Variants in NME7 observed in about 807,000 individuals in gnomAD.
The protein encoded by NME7 is NME/NM23 family member 7.
A neutral mutation model predicts 49.1 loss-of-function variants in NME7; 41 were observed. The observed-to-expected ratio is 0.83, with a 90% CI of 0.65 to 1.08. The LOEUF (loss-of-function observed/expected upper bound fraction) is 1.08, where lower values mean the gene tolerates loss of function less well. Ranked by LOEUF, NME7 falls within the 50% of genes least tolerant of loss-of-function variation. The probability of loss-of-function intolerance (pLI) is 0.00; values close to 1 mark genes in which losing one functional copy is unlikely to be tolerated. For missense variants in NME7, 423 were observed against 463.4 expected (o/e 0.91, Z 0.80); for synonymous variants, 139 against 150.6 (o/e 0.92, Z 0.56).
chr1:169,329,153 G>A (rs1652169905), intron 1 of NME7, among the ~76,000 whole-genome samples: 1 of 152,024 alleles, frequency 6.6e-6, no homozygotes, highest in Non-Finnish European at 1.5e-5. Flanking sequence ...CTAGGGGCCT[G>A]AAGCAAACCA....
intron 7 of NME7, chr1:169,285,061 G>A (rs1052696641): frequency 2.8e-4 from 43 of 152,154 alleles, no homozygotes; most frequent in Admixed American, 2.0e-4. Context: ...AAATATACAC[G>A]GGTGTATGTA....
intron 11 of NME7, among the ~76,000 whole-genome samples, chr1:169,143,273 C>CTTTTTTTTTTTTTTTTTTTTT (rs71299493): frequency 3.1e-5 from 3 of 98,178 alleles, no homozygotes; most frequent in Non-Finnish European, 4.2e-5. Flanking sequence ...TCACCTCAGG[C>CTTTTTTTTTTTTTTTTTTTTT]TTTTTTTTTT....
At chr1:169,207,499 G>A (rs1660704480) in intron 10 of NME7, among the ~76,000 whole-genome samples, 1 of 152,086 alleles carries the variant, frequency 6.6e-6, no homozygotes, top group Non-Finnish European at 1.5e-5. Context: ...GTACACCCAA[G>A]GGGGAAGAGG....
At chr1:169,281,875 T>C (rs887106306) in intron 7 of NME7, among the ~76,000 whole-genome samples, 2 of 152,194 alleles carry the variant, frequency 1.3e-5, no homozygotes, top group African/African-American at 4.8e-5. Context: ...GATTTTCTCA[T>C]AGATGTTCAT....
At chr1:169,302,066 T>C (rs943433552) in intron 5 of NME7, 2 of 151,962 alleles carry the variant, frequency 1.3e-5, no homozygotes, top group Non-Finnish European at 2.9e-5. Flanking sequence ...AAAATAGAAG[T>C]TGATTTTTTT....
intron 10 of NME7, among the ~76,000 whole-genome samples, chr1:169,219,100 T>A (rs1214937952): frequency 6.6e-6 from 1 of 152,106 alleles, no homozygotes; most frequent in Non-Finnish European, 1.5e-5. Context: ...AAATTATAGC[T>A]CCAGGCATCA....
In NME7 at chr1:169,272,759, C is replaced by T. The variant is rs879718062; in HGVS notation, c.754+14544G>A. 1.5e-5 allele frequency among the ~76,000 whole-genome samples: 2 copies of T among 131,470 alleles called. 1 individual carries two copies. The allele number at this position is 131,470 out of a possible 152,430, so 86.2% of individuals were successfully genotyped here. On this transcript the variant is annotated intron_variant, in intron 7 of 11. Coordinates refer to ENST00000367811, the MANE Select transcript of NME7 (RefSeq NM_013330.5). ...TGAACCGTGCTGCAATGAACATACA[C>T]GTGCATGTATTTTTATAATAGAACG...
chr1:169,152,151 T>C (rs1311646284), intron 11 of NME7, among the ~76,000 whole-genome samples: 1 of 152,178 alleles, frequency 6.6e-6, no homozygotes, highest in East Asian at 1.9e-4. Context: ...AAGTTATATA[T>C]AGCCTTTCCT....
intron 11 of NME7, among the ~76,000 whole-genome samples, chr1:169,161,631 T>G (rs1213380763): frequency 6.6e-6 from 1 of 152,226 alleles, no homozygotes; most frequent in African/African-American, 2.4e-5. Context: ...GACTCCATCT[T>G]GCTTCTGGCC....
intron 3 of NME7, among the ~76,000 whole-genome samples, chr1:169,321,406 G>A (rs1297957964): frequency 6.6e-6 from 1 of 152,140 alleles, no homozygotes. Context: ...GAACTGAGGT[G>A]TATGTAAAGT....
In NME7 at chr1:169,182,174, T is replaced by TAAAAA. The variant is rs59280361; in HGVS notation, c.991-12625_991-12621dup. 4.4e-4 allele frequency among the ~76,000 whole-genome samples: 59 copies of TAAAAA among 134,084 alleles called. 4 individuals carry two copies. Among genetic ancestry groups the TAAAAA allele is most frequent in the Middle Eastern group, 3.8e-3 (1 of 266 alleles). The allele number at this position is 134,084 out of a possible 152,430, so 88.0% of individuals were successfully genotyped here. ...TGCATGCCACCACAACTAGCTAATT[T>TAAAAA]AAAAAAAAAAAAAAACAACTCTGTA... On this transcript the variant is annotated intron_variant, in intron 10 of 11. Transcript: ENST00000367811.
intron 7 of NME7, among the ~76,000 whole-genome samples, chr1:169,282,411 A>G (rs1650059725): frequency 6.6e-6 from 1 of 152,018 alleles, no homozygotes; most frequent in African/African-American, 2.4e-5. Context: ...TCACGGATTC[A>G]TTGATTTTTT....
chr1:169,251,572 T>A (rs63646560), intron 7 of NME7, among the ~76,000 whole-genome samples: 60 of 132,212 alleles, frequency 4.5e-4, no homozygotes, highest in East Asian at 5.0e-4. Context: ...TTTTTTTTTT[T>A]ATTATACTTT....
At chr1:169,355,082 A>G (rs865804341) in intron 1 of NME7, among the ~76,000 whole-genome samples, 1,377 of 62,024 alleles carry the variant, frequency 0.022, 2 homozygotes, top group Middle Eastern at 0.034. Flanking sequence ...GATATAATAT[A>G]TAATATACTA....
chr1:169,224,502 G>A (rs1032482257), intron 10 of NME7, among the ~76,000 whole-genome samples: 4 of 151,714 alleles, frequency 2.6e-5, no homozygotes, highest in African/African-American at 9.7e-5. Context: ...ATTCATATAT[G>A]TATATATATG....
At chr1:169,337,220 C>A (rs1652515878) in intron 1 of NME7, among the ~76,000 whole-genome samples, 1 of 152,232 alleles carries the variant, frequency 6.6e-6, no homozygotes, top group Admixed American at 6.5e-5. Flanking sequence ...AGCCGTGCCC[C>A]GTGGGAAGGC....
chr1:169,303,020 T>C (rs1651008223), intron 5 of NME7, 125 bp downstream of exon 5: 4 of 564,846 alleles, frequency 7.1e-6, no homozygotes, highest in Admixed American at 3.2e-5. Context: ...TTCTGTGCAG[T>C]TGCAAGATGT....
chr1:169,132,997 A>G (rs1658287356), intron 11 of NME7, among the ~76,000 whole-genome samples, 180 bp from the exon 12 acceptor site: 1 of 152,194 alleles, frequency 6.6e-6, no homozygotes, highest in African/African-American at 2.4e-5. Context: ...AGTTCCATTT[A>G]AAAAAATCAT....
chr1:169,177,923 G>A (rs567317969), intron 10 of NME7, among the ~76,000 whole-genome samples: 1 of 151,898 alleles, frequency 6.6e-6, no homozygotes, highest in African/African-American at 2.4e-5. Context: ...TGCAAGCTCC[G>A]CCTCCCAGGT....
Sources: allele counts gnomAD v4.1 joint callset (sites outside exome capture counted in the v4.1 genomes callset), GRCh38; gene constraint gnomAD v4.1.1; transcripts MANE v1.5; gene names NCBI Gene and HGNC (gene_info 2026-07-23, HGNC 2026-07-21).